XCL2: variants seen among roughly 807,000 people sequenced by gnomAD.
XCL2 encodes X-C motif chemokine ligand 2, also known as cytokine SCM-1 beta.
A neutral mutation model predicts 7.2 loss-of-function variants in XCL2; 8 were observed. That is an observed-to-expected ratio of 1.10 (90% CI 0.65 to 1.99). The LOEUF is 1.99. XCL2 is among the 30% of genes most tolerant of loss of function. XCL2 has a pLI of 0.00. For synonymous variants in XCL2, 46 were observed against 54.2 expected (o/e 0.85, Z 0.67); for missense variants, 131 against 138.6 (o/e 0.94, Z 0.28).
intron 1 of XCL2, among the ~76,000 whole-genome samples, chr1:168,542,568 T>A: frequency 6.6e-6 from 1 of 151,918 alleles, no homozygotes; most frequent in East Asian, 1.9e-4. Context: ...TTTCAAATAG[T>A]GCAACATGTT....
intron 1 of XCL2, chr1:168,543,236 G>T: frequency 5.0e-6 from 1 of 200,034 alleles, no homozygotes. Context: ...CATCAAGCTG[G>T]TTATCTTTCT....
In XCL2 at chr1:168,543,989, A is replaced by C. The variant is rs1654347538; in HGVS notation, c.-25T>G. On this transcript the variant is annotated 5_prime_UTR_variant, in exon 1 of 3. Coordinates refer to ENST00000367819, the MANE Select transcript of XCL2 (RefSeq NM_003175.4). The stretch of plus-strand genomic sequence containing the variant: ...TGGCTGAGGTCCCGCTGAGCTGTGC[A>C]GGGAGAGTGAGGATCGGGCTCTTTG... 1 of 1,595,952 alleles carries C rather than the reference A, an allele frequency of 6.3e-7. No individual in the cohort carries two copies. The highest frequency in any genetic ancestry group is 8.5e-7 in the Non-Finnish European group (1 of 1,170,530).
At chr1:168,542,161 C>T in intron 1 of XCL2, 54 bp from the exon 2 acceptor site, 1 of 1,403,100 alleles carries the variant, frequency 7.1e-7, no homozygotes, top group Non-Finnish European at 9.6e-7. Context: ...TTACCCAGAT[C>T]ACAGGAACAA....
chr1:168,541,075 G>A lies in XCL2; in HGVS notation c.222C>T (p.Ala74=). The change falls in exon 3 of 3, where the codon GCC becomes GCT. Residue 74 remains alanine, a synonymous_variant. Coordinates refer to ENST00000367819, the MANE Select transcript of XCL2 (RefSeq NM_003175.4). ...TCCTGACCACGTCTCTCACCCACGTGGCTTGTGGATCAGCACAGACTTTTA... is the reference window on the plus strand; with the variant it reads ...TCCTGACCACGTCTCTCACCCACGTAGCTTGTGGATCAGCACAGACTTTTA... ...RGLKVCADPQ[A]TWVRDVVRSM... is the part of the protein sequence containing the mutation. 1 of 1,613,694 alleles carries A rather than the reference G, an allele frequency of 6.2e-7. No individual in the cohort carries two copies. The highest frequency in any genetic ancestry group is 8.5e-7 in the Non-Finnish European group (1 of 1,179,708).
intron 2 of XCL2, among the ~76,000 whole-genome samples, chr1:168,541,370 C>A (rs576222614): frequency 2.0e-5 from 3 of 152,258 alleles, no homozygotes; most frequent in Admixed American, 2.0e-4. Flanking sequence ...TCATCCATGT[C>A]ACCAAATGTT....
chr1:168,542,059 G>A lies in XCL2; in HGVS notation c.110C>T (p.Thr37Ile). The change falls in exon 2 of 3, where the codon ACC becomes ATC. Residue 37 changes from threonine (T) to isoleucine (I), a missense_variant. By Grantham distance (89) the Thr-to-Ile change is moderately conservative (BLOSUM62 -1). Transcript: ENST00000367819. ...SHRRTCVSLT[T>I]QRLPVSRIKT... is the part of the protein sequence containing the mutation. ...GATTCTGCTAACTGGCAGTCGCTGGGTAGTGAGGCTCACACAGGTCCTCCT... is the reference window on the plus strand; with the variant it reads ...GATTCTGCTAACTGGCAGTCGCTGGATAGTGAGGCTCACACAGGTCCTCCT... The A allele has an allele frequency of 1.9e-6, 3 of 1,582,486 alleles. 1 individual carries two copies. The highest frequency in any genetic ancestry group is 2.6e-6 in the Non-Finnish European group (3 of 1,159,756).
At chr1:168,543,276 C>G (rs867914882) in intron 1 of XCL2, 11 of 215,778 alleles carry the variant, frequency 5.1e-5, no homozygotes, top group Admixed American at 1.7e-4. Context: ...ATGGGGGTCC[C>G]TTATTGCATT....
In XCL2 at chr1:168,541,060, G is replaced by A. The variant is rs745658271; in HGVS notation, c.237C>T (p.Asp79=). 51 of 1,613,564 alleles carry A rather than the reference G, an allele frequency of 3.2e-5. No homozygotes were observed. Among genetic ancestry groups the A allele is most frequent in the Admixed American group, 5.0e-5 (3 of 59,926 alleles). The change falls in exon 3 of 3, where the codon GAC becomes GAT. Residue 79 remains aspartate (D), a synonymous_variant. Coordinates refer to ENST00000367819, the MANE Select transcript of XCL2 (RefSeq NM_003175.4). The part of the protein sequence containing the change: ...CADPQATWVR[D]VVRSMDRKSN... ...ATTTCCTGTCCATGCTCCTGACCACGTCTCTCACCCACGTGGCTTGTGGAT... is the reference window on the plus strand; with the variant it reads ...ATTTCCTGTCCATGCTCCTGACCACATCTCTCACCCACGTGGCTTGTGGAT...
In XCL2 at chr1:168,543,971, G is replaced by A. The variant is rs371559713; in HGVS notation, c.-7C>T. 4.5e-5 allele frequency: 73 copies of A among 1,605,282 alleles called. 1 individual carries two copies. The highest frequency in any genetic ancestry group is 5.7e-5 in the Non-Finnish European group (67 of 1,176,140). On this transcript the variant is annotated 5_prime_UTR_variant, in exon 1 of 3. Coordinates refer to ENST00000367819, the MANE Select transcript of XCL2 (RefSeq NM_003175.4). ...CCAGGATGAGAAGTCTCATGGCTGA[G>A]GTCCCGCTGAGCTGTGCAGGGAGAG...
At position 168,540,881 on chromosome 1, in the gene XCL2, T is replaced by G; in HGVS notation, c.*71A>C. ...GCAGTGCTTTCATAAAAGGTGAGTA[T>G]AATCTCAGTCCATGAGGGTGTAAAG... On this transcript the variant is annotated 3_prime_UTR_variant, in exon 3 of 3. Transcript: ENST00000367819. The G allele has an allele frequency of 1.9e-6, 3 of 1,550,214 alleles. No individual in the cohort carries two copies. Among genetic ancestry groups the G allele is most frequent in the Non-Finnish European group, 1.7e-6 (2 of 1,146,514 alleles).
intron 1 of XCL2, 38 bp downstream of exon 1, chr1:168,543,866 T>C (rs764664160): frequency 6.3e-7 from 1 of 1,589,250 alleles, no homozygotes; most frequent in African/African-American, 1.4e-5. Context: ...CTGCCTTGCC[T>C]CCCTATTCTT....
At position 168,540,953 on chromosome 1, in the gene XCL2, T is replaced by G; in HGVS notation, c.344A>C (p.Ter115SerextTer1). The G allele has an allele frequency of 2.5e-6, 4 of 1,613,500 alleles. No homozygotes were observed. The highest frequency in any genetic ancestry group is 3.4e-6 in the Non-Finnish European group (4 of 1,179,588). Residue 115 changes from the stop codon to serine, a stop_lost, in exon 3 of 3, where the codon TAG (stop) becomes TCG (serine). Coordinates refer to ENST00000367819, the MANE Select transcript of XCL2 (RefSeq NM_003175.4). ...AGACGGACAGGGTGCCAGAGACTAC[T>G]AGCCAGTCAGGGTCACAGCTGTATT... The part of the protein sequence containing the change: ...STNTAVTLTG[*>S]
chr1:168,541,133 G>C lies in XCL2; in HGVS notation c.177-13C>G. Reference sequence around the variant, plus strand: ...TTTGGTAATAAAACTGTAACGCAAGGAAAAGACAGATGAAGTTAGCCACGT... The same window carrying C: ...TTTGGTAATAAAACTGTAACGCAAGCAAAAGACAGATGAAGTTAGCCACGT... On this transcript the variant is annotated splice_polypyrimidine_tract_variant and intron_variant, in intron 2 of 2. Transcript: ENST00000367819. The C allele has an allele frequency of 6.2e-7, 1 of 1,612,722 alleles. No individual in the cohort carries two copies. Among genetic ancestry groups the C allele is most frequent in the Non-Finnish European group, 8.5e-7 (1 of 1,178,970 alleles).
chr1:168,543,017 C>G, intron 1 of XCL2: 1 of 349,030 alleles, frequency 2.9e-6, no homozygotes. Context: ...AACAGCTACT[C>G]AGCCACTTAA....
chr1:168,543,907 C>G lies in XCL2; in HGVS notation c.58G>C (p.Glu20Gln). 1.9e-6 allele frequency: 3 copies of G among 1,608,924 alleles called. No homozygotes were observed. The highest frequency in any genetic ancestry group is 2.5e-6 in the Non-Finnish European group (3 of 1,176,972). Residue 20 changes from glutamate (E) to glutamine (Q), a missense_variant, in exon 1 of 3, where the codon GAA becomes CAA. Transcript: ENST00000367819. ...GICSLTAYIVEGVGSEVSHRR... is the reference protein window; with the variant it reads ...GICSLTAYIVQGVGSEVSHRR... ...CACAGACAGCTTCTCCACTTACCTT[C>G]CACAATGTATGCAGTGAGAGAGCAG...
rs148500645 is a variant in XCL2, at chr1:168,540,975, T to A, written c.322A>T (p.Thr108Ser). 521 of 1,613,494 alleles carry A rather than the reference T, an allele frequency of 3.2e-4. No homozygotes were observed. The highest frequency in any genetic ancestry group is 4.0e-4 in the Non-Finnish European group (473 of 1,179,682). Residue 108 changes from threonine to serine, a missense_variant, in exon 3 of 3, where the codon ACA (threonine) becomes TCA (serine). Transcript: ENST00000367819. ...KPTGTQQSTNTAVTLTG is the reference protein window; with the variant it reads ...KPTGTQQSTNSAVTLTG ...TACTAGCCAGTCAGGGTCACAGCTG[T>A]ATTGGTCGATTGCTGGGTTCCTGTT...
At chr1:168,543,650 A>G (rs1654339244) in intron 1 of XCL2, among the ~76,000 whole-genome samples, 1 of 144,082 alleles carries the variant, frequency 6.9e-6, no homozygotes, top group South Asian at 2.4e-4. Flanking sequence ...ACAGGCCCTG[A>G]GTGGTTAAGG....
chr1:168,543,806 A>G, intron 1 of XCL2, 98 bp downstream of exon 1: 1 of 1,567,432 alleles, frequency 6.4e-7, no homozygotes, highest in Non-Finnish European at 8.8e-7. Context: ...CCCTGGAGAC[A>G]GCAGTTTAGT....
At position 168,541,087 on chromosome 1, in the gene XCL2, A is replaced by T; in HGVS notation, c.210T>A (p.Ala70=). ...FITKRGLKVC[A]DPQATWVRDV... is the part of the protein sequence containing the mutation. ...CTCTCACCCACGTGGCTTGTGGATC[A>T]GCACAGACTTTTAGGCCACGTTTGG... is the stretch of plus-strand genomic sequence containing the variant. The change falls in exon 3 of 3, where the codon GCT becomes GCA. Residue 70 remains alanine (A), a synonymous_variant. Transcript: ENST00000367819. 6.2e-7 allele frequency: 1 copy of T among 1,613,690 alleles called. No individual in the cohort carries two copies. Among genetic ancestry groups the T allele is most frequent in the Non-Finnish European group, 8.5e-7 (1 of 1,179,696 alleles).
Sources: allele counts gnomAD v4.1 joint callset (sites outside exome capture counted in the v4.1 genomes callset), GRCh38; gene constraint gnomAD v4.1.1; transcripts MANE v1.5; gene names NCBI Gene and HGNC (gene_info 2026-07-23, HGNC 2026-07-21).